Variants in CD109 observed in about 807,000 individuals in gnomAD.
CD109 encodes the protein CD109 molecule, also known as CD109 antigen.
Under a neutral mutation model 165.8 loss-of-function variants are expected in CD109, and 149 were observed. The ratio of observed to expected loss-of-function variants is 0.90; its 90% CI spans 0.79 to 1.03. The LOEUF (loss-of-function observed/expected upper bound fraction) is 1.03, where lower values mean the gene tolerates loss of function less well. Among genes scored for constraint, CD109 ranks in the 50% least tolerant of loss-of-function variants. The probability of loss-of-function intolerance (pLI) is 0.00; values close to 1 mark genes in which losing one functional copy is unlikely to be tolerated. For synonymous variants in CD109, 585 were observed against 592.1 expected, an observed-to-expected ratio of 0.99 and a Z score of 0.18; for missense variants, 1,712 against 1,677.8, an observed-to-expected ratio of 1.02 and a Z score of -0.36.
chr6:73,723,183 G>A lies in CD109; in HGVS notation c.248-68G>A. On this transcript the variant is annotated intron_variant, in intron 2 of 32. Coordinates refer to ENST00000287097, the MANE Select transcript of CD109 (RefSeq NM_133493.5). ...ATGTAAGAGTATTGGGAGAGTTTTG[G>A]AAGGTTTGTATTCTATCATCATATT... 3 of 1,605,626 alleles carry A rather than the reference G, an allele frequency of 1.9e-6. No individual in the cohort carries two copies. In the South Asian group the frequency reaches 3.4e-5, roughly 18 times the overall value.
chr6:73,802,255 A>ATG (rs750794050), intron 23 of CD109, among the ~76,000 whole-genome samples: 360 of 118,248 alleles, frequency 3.0e-3, no homozygotes, highest in African/African-American at 7.9e-3. Context: ...GAGCATGTGT[A>ATG]TATGTGTGTG....
chr6:73,746,163 A>G (rs1772978164), intron 5 of CD109, among the ~76,000 whole-genome samples: 1 of 152,242 alleles, frequency 6.6e-6, no homozygotes, highest in Admixed American at 6.5e-5. Context: ...TTATAGTACA[A>G]TATAAAAAGC....
chr6:73,779,582 T>G (rs564406878), intron 15 of CD109, among the ~76,000 whole-genome samples: 1 of 152,154 alleles, frequency 6.6e-6, no homozygotes, highest in Non-Finnish European at 1.5e-5. Flanking sequence ...CTGAATAATA[T>G]TGTGTTGTGT....
At chr6:73,708,032 G>A (rs1771363238) in intron 2 of CD109, among the ~76,000 whole-genome samples, 2 of 142,308 alleles carry the variant, frequency 1.4e-5, no homozygotes, top group African/African-American at 2.7e-5. Flanking sequence ...ATGTCCTAGG[G>A]TACATGTGCA....
chr6:73,825,078 T>A lies in CD109; in HGVS notation c.*1445T>A, dbSNP rs1422975112. 1 of 152,218 alleles carries A rather than the reference T, an allele frequency of 6.6e-6. No individual in the cohort carries two copies. Among genetic ancestry groups the A allele is most frequent in the Non-Finnish European group, 1.5e-5 (1 of 68,030 alleles). 9.4% of individuals were successfully genotyped at this position (152,218 alleles called of 1,614,324 possible). On this transcript the variant is annotated 3_prime_UTR_variant, in exon 33 of 33. Transcript: ENST00000287097. ...AAATGTATCTTTTAAAGTTAATTTT[T>A]AAAAATGCTCTTATTTTAGTGAATT...
At chr6:73,809,124 C>T (rs957175455) in intron 26 of CD109, among the ~76,000 whole-genome samples, 1 of 151,992 alleles carries the variant, frequency 6.6e-6, no homozygotes, top group African/African-American at 2.4e-5. Flanking sequence ...TAAGTGTAGT[C>T]ATCATCTAAA....
At chr6:73,765,867 G>A (rs1331402181) in intron 10 of CD109, 63 bp from the exon 11 acceptor site, 3 of 1,188,192 alleles carry the variant, frequency 2.5e-6, no homozygotes, top group South Asian at 2.7e-5. Flanking sequence ...ACTACAGACG[G>A]AAACTGTATT....
chr6:73,728,977 A>G (rs1302057793), intron 3 of CD109, among the ~76,000 whole-genome samples: 1 of 152,246 alleles, frequency 6.6e-6, no homozygotes, highest in Non-Finnish European at 1.5e-5. Context: ...GGTTGCAATC[A>G]AGATATCAGC....
intron 24 of CD109, among the ~76,000 whole-genome samples, chr6:73,805,484 A>G (rs978773152): frequency 3.0e-4 from 46 of 152,118 alleles, no homozygotes; most frequent in Non-Finnish European, 5.7e-4. Context: ...TTGCCCAGGG[A>G]CGGGCAGGAG....
intron 25 of CD109, 55 bp downstream of exon 25, chr6:73,807,127 C>A: frequency 1.5e-6 from 2 of 1,296,336 alleles, no homozygotes; most frequent in South Asian, 1.2e-5. Context: ...GAAGGTAGGT[C>A]TTAATGGGTC....
intron 25 of CD109, among the ~76,000 whole-genome samples, chr6:73,807,674 C>A (rs922545710): frequency 6.6e-6 from 1 of 152,100 alleles, no homozygotes; most frequent in Non-Finnish European, 1.5e-5. Flanking sequence ...TATTAGGACC[C>A]CCACTATTTT....
intron 7 of CD109, among the ~76,000 whole-genome samples, chr6:73,759,963 C>T (rs1347798526): frequency 2.0e-5 from 3 of 151,406 alleles, no homozygotes; most frequent in Non-Finnish European, 4.4e-5. Context: ...TTGAGTTGAT[C>T]CAGATGAGGG....
chr6:73,823,822 T>C lies in CD109; in HGVS notation c.*189T>C. On this transcript the variant is annotated 3_prime_UTR_variant, in exon 33 of 33. Transcript: ENST00000287097. ...TAGATTTCTTCACCTGATCTTTGTG[T>C]GGAAGATCAGAATGAATGCAGTTGT... The C allele has an allele frequency of 2.2e-6, 1 of 451,368 alleles. No individual in the cohort carries two copies. 28.0% of individuals were successfully genotyped at this position (451,368 alleles called of 1,614,324 possible). A position where few individuals can be genotyped will look rare whatever the true frequency, so the allele number is the denominator to read the frequency against.
At chr6:73,687,474 CCT>C in the CD109 span, among the ~76,000 whole-genome samples, 1 of 149,778 alleles carries the variant, frequency 6.7e-6, no homozygotes, top group Non-Finnish European at 1.5e-5. Context: ...CCTCCCCTCC[CCT>C]CTCCTTCCCT....
intron 23 of CD109, among the ~76,000 whole-genome samples, chr6:73,795,744 C>G (rs12663978): frequency 0.54 from 82,313 of 152,026 alleles, 22,797 homozygotes; most frequent in African/African-American, 0.66. Context: ...GAGGCAGTCA[C>G]ACCTGGGCTT....
intron 5 of CD109, among the ~76,000 whole-genome samples, chr6:73,749,831 T>C (rs1329407222): frequency 6.6e-6 from 1 of 152,212 alleles, no homozygotes; most frequent in East Asian, 1.9e-4. Flanking sequence ...CATCAGTATG[T>C]GTTGTCTTCT....
intron 2 of CD109, among the ~76,000 whole-genome samples, chr6:73,698,979 C>T (rs959167898): frequency 6.6e-6 from 1 of 152,066 alleles, no homozygotes; most frequent in African/African-American, 2.4e-5. Context: ...CTTAGGCATG[C>T]AATAAACAAC....
chr6:73,743,030 G>A (rs1003245262), intron 5 of CD109, among the ~76,000 whole-genome samples: 2 of 152,192 alleles, frequency 1.3e-5, no homozygotes, highest in Non-Finnish European at 2.9e-5. Context: ...AACAAGGTAT[G>A]GAACTGGGGA....
chr6:73,775,157 A>G (rs1276802249), intron 15 of CD109, among the ~76,000 whole-genome samples: 2 of 151,706 alleles, frequency 1.3e-5, no homozygotes, highest in Non-Finnish European at 2.9e-5. Context: ...TTTAAAATAA[A>G]TTTTATTGTG....
Sources: allele counts gnomAD v4.1 joint callset (sites outside exome capture counted in the v4.1 genomes callset), GRCh38; gene constraint gnomAD v4.1.1; transcripts MANE v1.5; gene names NCBI Gene and HGNC (gene_info 2026-07-23, HGNC 2026-07-21).